AFF3: variants seen among roughly 807,000 people sequenced by gnomAD.
The protein encoded by AFF3 is AF4/FMR2 family member 3.
Under a neutral mutation model 129.7 loss-of-function variants are expected in AFF3, and 32 were observed. The observed-to-expected ratio is 0.25, with a 90% CI of 0.19 to 0.33. The LOEUF (loss-of-function observed/expected upper bound fraction) is 0.33. Among genes scored for constraint, AFF3 ranks in the 10% least tolerant of loss-of-function variants. The pLI is 1.00. For missense variants in AFF3, 1,373 were observed against 1,592.0 expected (o/e 0.86, Z 2.34); for synonymous variants, 644 against 635.4 (o/e 1.01, Z -0.20).
chr2:99,935,599 T>C (rs1049973955), intron 7 of AFF3, among the ~76,000 whole-genome samples: 22 of 152,220 alleles, frequency 1.4e-4, no homozygotes, highest in African/African-American at 5.1e-4. Context: ...ATCCCAATGA[T>C]GGACTGTGAC....
intron 12 of AFF3, among the ~76,000 whole-genome samples, chr2:99,666,995 T>C (rs1686731186): frequency 1.3e-5 from 2 of 152,146 alleles, no homozygotes. Flanking sequence ...GATAGAGCAA[T>C]GAGACAGAAA....
At chr2:100,093,086 T>C (rs1689992026) in intron 4 of AFF3, among the ~76,000 whole-genome samples, 1 of 152,246 alleles carries the variant, frequency 6.6e-6, no homozygotes, top group South Asian at 2.1e-4. Flanking sequence ...CATTATTATA[T>C]ATTTTAGGGC....
At chr2:99,758,527 A>T (rs1374673946) in intron 8 of AFF3, among the ~76,000 whole-genome samples, 1 of 143,400 alleles carries the variant, frequency 7.0e-6, no homozygotes, top group East Asian at 2.2e-4. Flanking sequence ...CAGAGGTTGC[A>T]GTGAGCCGAA....
rs1221942520 is a variant in AFF3 at position 99,593,847 on chromosome 2, G to T, written c.1814C>A (p.Pro605His). Residue 605 changes from proline (P) to histidine (H), a missense_variant, in exon 15 of 25, where the codon CCC becomes CAC. By Grantham distance (77) the Pro-to-His change is moderately conservative (BLOSUM62 -2). Coordinates refer to ENST00000672756, the MANE Select transcript of AFF3 (RefSeq NM_001386135.1). ...SAGDGANCHRPEEPAAADALG... is the reference protein window; with the variant it reads ...SAGDGANCHRHEEPAAADALG... ...CGCGTCCGCGGCCGCGGGCTCCTCG[G>T]GCCGGTGGCAGTTGGCGCCGTCCCC... 2 of 1,594,668 alleles carry T rather than the reference G, an allele frequency of 1.3e-6. No homozygotes were observed. Among genetic ancestry groups the T allele is most frequent in the Non-Finnish European group, 1.7e-6 (2 of 1,172,858 alleles).
chr2:99,772,821 G>C (rs1683596866), intron 8 of AFF3, among the ~76,000 whole-genome samples: 1 of 152,184 alleles, frequency 6.6e-6, no homozygotes, highest in South Asian at 2.1e-4. Context: ...CTAAGGGAAA[G>C]GCCGTCAATC....
At position 100,092,705 on chromosome 2, in the gene AFF3, C is replaced by A. The variant is rs572364196; in HGVS notation, c.53+11697G>T. 2.0e-5 allele frequency among the ~76,000 whole-genome samples: 3 copies of A among 152,140 alleles called. No homozygotes were observed. The East Asian group carries it at 5.8e-4, about 29-fold the overall frequency. On this transcript the variant is annotated intron_variant, in intron 4 of 24. Coordinates refer to ENST00000672756, the MANE Select transcript of AFF3 (RefSeq NM_001386135.1). ...GCTAATTTTCACCTCTTTGCCTTTC[C>A]TTACATTATCGTACCTGCCATATCC...
At chr2:100,066,884 C>T (rs758878028) in intron 4 of AFF3, among the ~76,000 whole-genome samples, 6 of 152,152 alleles carry the variant, frequency 3.9e-5, no homozygotes, top group Admixed American at 6.5e-5. Flanking sequence ...GCAGCCCCTC[C>T]GCAAGGAAAA....
chr2:99,885,606 A>G (rs1284932511), intron 7 of AFF3, among the ~76,000 whole-genome samples: 4 of 152,166 alleles, frequency 2.6e-5, no homozygotes, highest in Non-Finnish European at 5.9e-5. Context: ...GATTTCAGGG[A>G]TGGGAGTTTC....
At chr2:99,560,226 C>CT (rs1675343961) in intron 21 of AFF3, 139 bp downstream of exon 21, 1 of 880,866 alleles carries the variant, frequency 1.1e-6, no homozygotes, top group South Asian at 1.7e-5. Flanking sequence ...ATGGTCTGGA[C>CT]TTTCCCTGGT....
intron 8 of AFF3, among the ~76,000 whole-genome samples, chr2:99,807,575 T>C (rs1576042551): frequency 6.6e-6 from 1 of 152,338 alleles, no homozygotes; most frequent in South Asian, 2.1e-4. Context: ...CCTGATGCTG[T>C]GATCTTAGTC....
chr2:99,634,191 A>T (rs1335466411), intron 13 of AFF3, among the ~76,000 whole-genome samples: 1 of 152,208 alleles, frequency 6.6e-6, no homozygotes, highest in Non-Finnish European at 1.5e-5. Context: ...TACAGGCGTG[A>T]GCCACTGTCC....
At chr2:99,700,598 C>CTT (rs1282433873) in intron 11 of AFF3, among the ~76,000 whole-genome samples, 1 of 152,210 alleles carries the variant, frequency 6.6e-6, no homozygotes, top group Non-Finnish European at 1.5e-5. Flanking sequence ...GTTTATATCT[C>CTT]TTATTAAATC....
chr2:100,005,594 T>C (rs1485308104), intron 7 of AFF3, among the ~76,000 whole-genome samples: 1 of 152,224 alleles, frequency 6.6e-6, no homozygotes, highest in Non-Finnish European at 1.5e-5. Context: ...CTAGTGAACA[T>C]TTTCTAGAAT....
rs1675940220 is a variant in AFF3, at chr2:99,949,513, C to T, written c.873+57119G>A. The stretch of plus-strand genomic sequence containing the variant: ...TATAATGAAATAATTATACAACTCA[C>T]CATAATGTAGAATCAGTGGGAACCC... On this transcript the variant is annotated intron_variant, in intron 7 of 24. Coordinates refer to ENST00000672756, the MANE Select transcript of AFF3 (RefSeq NM_001386135.1). Among the ~76,000 whole-genome samples, 2 of 151,822 alleles carry T rather than the reference C, an allele frequency of 1.3e-5. 1 individual carries two copies. The highest frequency in any genetic ancestry group is 4.2e-4 in the South Asian group (2 of 4,810).
At chr2:99,935,063 C>G (rs1394352075) in intron 7 of AFF3, among the ~76,000 whole-genome samples, 2 of 152,118 alleles carry the variant, frequency 1.3e-5, no homozygotes, top group East Asian at 3.9e-4. Flanking sequence ...GTTTATGAGC[C>G]TCTTAAAATC....
At chr2:99,958,516 G>A (rs1475102606) in intron 7 of AFF3, among the ~76,000 whole-genome samples, 2 of 150,922 alleles carry the variant, frequency 1.3e-5, no homozygotes, top group African/African-American at 4.9e-5. Flanking sequence ...GACACAATGC[G>A]ACACAATTCA....
intron 8 of AFF3, among the ~76,000 whole-genome samples, chr2:99,827,500 A>G (rs76310177): frequency 0.034 from 5,211 of 152,174 alleles, 138 homozygotes; most frequent in Admixed American, 0.063. Context: ...TGGTAACCTC[A>G]GTAAAAGCCA....
Position 99,601,590 on chromosome 2 carries a change from A to T in AFF3, c.1216T>A (p.Ser406Thr). The change falls in exon 14 of 25, where the codon TCG (serine) becomes ACG (threonine). Residue 406 changes from serine (S) to threonine (T), a missense_variant. Ser to Thr is a moderately conservative substitution (Grantham distance 58). Around this residue, in one of 9 missense-constraint regions of AFF3, gnomAD observed 413 missense variants for 424.4 expected, o/e 0.97. Transcript: ENST00000672756. ...AVVQQPNCRT[S>T]VPSSKGSSSS... is the part of the protein sequence containing the mutation. ...CTGCTGCCCTTGCTGGAAGGCACCG[A>T]GGTTCTGCAGTTGGGCTGCTGGACC... is the stretch of plus-strand genomic sequence containing the variant. The T allele has an allele frequency of 6.3e-7, 1 of 1,598,560 alleles. No individual in the cohort carries two copies. Among genetic ancestry groups the T allele is most frequent in the Non-Finnish European group, 8.5e-7 (1 of 1,177,046 alleles).
intron 8 of AFF3, among the ~76,000 whole-genome samples, chr2:99,795,585 A>G (rs111330372): frequency 6.6e-6 from 1 of 152,142 alleles, no homozygotes; most frequent in African/African-American, 2.4e-5. Context: ...ATAAACCAGG[A>G]TGATCACAGG....
Sources: gnomAD v4.1 joint callset for allele counts (sites outside exome capture counted in the v4.1 genomes callset) on GRCh38, gnomAD v4.1.1 for gene constraint, gnomAD v4.1.1 regional missense constraint, MANE v1.5 for transcripts, NCBI Gene and HGNC (gene_info 2026-07-23, HGNC 2026-07-21) for gene names.